LRRC3B: variants seen among roughly 807,000 people sequenced by gnomAD.
LRRC3B encodes the protein leucine-rich repeat-containing protein 3B.
A neutral mutation model predicts 12.8 loss-of-function variants in LRRC3B; 2 were observed. The ratio of observed to expected loss-of-function variants is 0.16; its 90% CI spans 0.06 to 0.49. The LOEUF is 0.49. Ranked by LOEUF, LRRC3B falls within the 20% of genes least tolerant of loss-of-function variation. LRRC3B has a pLI of 0.96. For missense variants in LRRC3B, 189 were observed against 319.4 expected, an observed-to-expected ratio of 0.59 and a Z score of 3.11; for synonymous variants, 132 against 122.0, an observed-to-expected ratio of 1.08 and a Z score of -0.54.
intron 1 of LRRC3B, among the ~76,000 whole-genome samples, chr3:26,686,172 C>G (rs897638668): frequency 1.3e-5 from 2 of 151,972 alleles, no homozygotes; most frequent in Non-Finnish European, 2.9e-5. Context: ...CTCCGCCTCC[C>G]GGGTTCACGC....
rs1461673808 is a variant in LRRC3B, at chr3:26,691,101, G to GTATATATATA, written c.-160-18411_-160-18410insATATATATAT. Among the ~76,000 whole-genome samples the GTATATATATA allele has an allele frequency of 0.014, 639 of 45,490 alleles. 5 individuals are homozygous for GTATATATATA. In the East Asian group the frequency reaches 0.21, roughly 15 times the overall value. The allele number at this position is 45,490 out of a possible 152,430, so 29.8% of individuals were successfully genotyped here. A position where few individuals can be genotyped will look rare whatever the true frequency, so the allele number is the denominator to read the frequency against. On this transcript the variant is annotated intron_variant, in intron 1 of 1. Coordinates refer to ENST00000396641, the Ensembl canonical transcript of LRRC3B. ...TATGTGTGTGTGTATATGTGTGTGT[G>GTATATATATA]TGTGTATATATATATATATATATAT...
At chr3:26,680,048 C>T (rs145005814) in intron 1 of LRRC3B, among the ~76,000 whole-genome samples, 82 of 152,326 alleles carry the variant, frequency 5.4e-4, no homozygotes, top group African/African-American at 1.7e-3. Flanking sequence ...TCATGTGCAA[C>T]AAATTTCCCA....
intron 1 of LRRC3B, among the ~76,000 whole-genome samples, chr3:26,685,509 CTCTCTCTCTCTCTCTA>C (rs1338750453): frequency 1.4e-4 from 7 of 51,158 alleles, no homozygotes; most frequent in African/African-American, 3.9e-4. Flanking sequence ...CTCTCTCTCT[CTCTCTCTCTCTCTCTA>C]TATATATATA....
chr3:26,709,324 C>CT (rs1700688607), intron 1 of LRRC3B, among the ~76,000 whole-genome samples, 189 bp from the exon 2 acceptor site: 1 of 152,182 alleles, frequency 6.6e-6, no homozygotes, highest in Non-Finnish European at 1.5e-5. Context: ...TCACAGTTCT[C>CT]TCCCCCAGCA....
At chr3:26,670,958 T>A (rs1699707468) in intron 1 of LRRC3B, among the ~76,000 whole-genome samples, 1 of 150,838 alleles carries the variant, frequency 6.6e-6, no homozygotes, top group South Asian at 2.1e-4. Context: ...GGCATTTGCA[T>A]AATACTATAC....
At chr3:26,629,052 A>G (rs1488917312) in intron 1 of LRRC3B, among the ~76,000 whole-genome samples, 1 of 152,168 alleles carries the variant, frequency 6.6e-6, no homozygotes, top group Non-Finnish European at 1.5e-5. Context: ...TTTTATTAGA[A>G]ATAAAATGGA....
chr3:26,691,248 T>C (rs1486617899), intron 1 of LRRC3B, among the ~76,000 whole-genome samples: 2 of 151,458 alleles, frequency 1.3e-5, no homozygotes, highest in East Asian at 3.9e-4. Context: ...ATGAAGAATC[T>C]AAATCTGAAA....
intron 1 of LRRC3B, among the ~76,000 whole-genome samples, chr3:26,685,543 A>G (rs1314375543): frequency 7.3e-6 from 1 of 136,268 alleles, no homozygotes; most frequent in Non-Finnish European, 1.6e-5. Flanking sequence ...ATATATATAT[A>G]TATATATATA....
At chr3:26,659,180 G>A (rs893417115) in intron 1 of LRRC3B, among the ~76,000 whole-genome samples, 9 of 152,180 alleles carry the variant, frequency 5.9e-5, no homozygotes, top group African/African-American at 2.2e-4. Flanking sequence ...ACAATCCTAT[G>A]AAGTAGGTAC....
chr3:26,649,428 A>G (rs1238824694), intron 1 of LRRC3B, among the ~76,000 whole-genome samples: 1 of 151,826 alleles, frequency 6.6e-6, no homozygotes, highest in Non-Finnish European at 1.5e-5. Flanking sequence ...ATACTTTATC[A>G]AGGAAGCGAA....
chr3:26,651,629 T>G (rs913435648), intron 1 of LRRC3B, among the ~76,000 whole-genome samples: 3 of 152,024 alleles, frequency 2.0e-5, no homozygotes, highest in Non-Finnish European at 4.4e-5. Flanking sequence ...ATGAATGAAG[T>G]GTAGTAACAT....
rs541701648 is a variant in LRRC3B, at chr3:26,648,751, G to A, written c.-161+25514G>A. On this transcript the variant is annotated intron_variant, in intron 1 of 1. Coordinates refer to ENST00000396641, the Ensembl canonical transcript of LRRC3B. ...AAGATTTTGATGCTTGATTTGTAAT[G>A]TTTAAACTGTAGCATTTTAATGTTT... Among the ~76,000 whole-genome samples the A allele has an allele frequency of 3.9e-5, 6 of 152,320 alleles. No homozygotes were observed. In the South Asian group the frequency reaches 1.2e-3, roughly 32 times the overall value.
intron 1 of LRRC3B, among the ~76,000 whole-genome samples, chr3:26,675,539 C>G (rs988997528): frequency 3.3e-5 from 5 of 152,196 alleles, no homozygotes; most frequent in Non-Finnish European, 5.9e-5. Flanking sequence ...AGAAGCCTCA[C>G]TGAGTGTTTT....
At chr3:26,627,350 A>G (rs1698651358) in intron 1 of LRRC3B, among the ~76,000 whole-genome samples, 1 of 152,318 alleles carries the variant, frequency 6.6e-6, no homozygotes, top group Admixed American at 6.5e-5. Context: ...CAGCGGGGCA[A>G]GAGTCATAGA....
intron 1 of LRRC3B, among the ~76,000 whole-genome samples, chr3:26,702,541 A>G (rs2125460226): frequency 6.6e-6 from 1 of 152,270 alleles, no homozygotes; most frequent in Non-Finnish European, 1.5e-5. Flanking sequence ...TTTTCTCCTC[A>G]TTGAGCTGTT....
chr3:26,706,448 C>G (rs1559374925), intron 1 of LRRC3B, among the ~76,000 whole-genome samples: 1 of 152,140 alleles, frequency 6.6e-6, no homozygotes. Flanking sequence ...ATTTTATTCT[C>G]TTTTTATCAA....
At position 26,709,461 on chromosome 3, in the gene LRRC3B, A is replaced by C. The variant is rs1031447216; in HGVS notation, c.-160-52A>C. On this transcript the variant is annotated intron_variant, in intron 1 of 1. Transcript: ENST00000396641. ...ACACCTGAGAACACCTTTCATTACA[A>C]TGTACCTCCCTTTGCAAAGGAACTA... 56 of 585,952 alleles carry C rather than the reference A, an allele frequency of 9.6e-5. No homozygotes were observed. The Middle Eastern group carries it at 1.3e-3, about 14-fold the overall frequency. 36.3% of individuals were successfully genotyped at this position (585,952 alleles called of 1,614,324 possible). A position where few individuals can be genotyped will look rare whatever the true frequency, so the allele number is the denominator to read the frequency against.
rs889414794 is a variant in LRRC3B at position 26,677,736 on chromosome 3, A to T, written c.-160-31777A>T. Among the ~76,000 whole-genome samples, 4 of 152,330 alleles carry T rather than the reference A, an allele frequency of 2.6e-5. No individual in the cohort carries two copies. The South Asian group carries it at 6.2e-4, about 24-fold the overall frequency. On this transcript the variant is annotated intron_variant, in intron 1 of 1. Transcript: ENST00000396641. ...ATACATATAACACATTCTTATTGTC[A>T]GTCAAAATTGATCACCAATATGATA...
chr3:26,652,760 G>C (rs1422013980), intron 1 of LRRC3B, among the ~76,000 whole-genome samples: 1 of 151,584 alleles, frequency 6.6e-6, no homozygotes, highest in Non-Finnish European at 1.5e-5. Context: ...TTTTTAAAAA[G>C]TACATAATTT....
Sources: allele counts gnomAD v4.1 joint callset (sites outside exome capture counted in the v4.1 genomes callset), GRCh38; gene constraint gnomAD v4.1.1; transcripts MANE v1.5; gene names NCBI Gene and HGNC (gene_info 2026-07-23, HGNC 2026-07-21).